Variants in CELSR1 observed in about 807,000 individuals in gnomAD.
The protein encoded by CELSR1 is cadherin EGF LAG seven-pass G-type receptor 1.
Under a neutral mutation model 249.1 loss-of-function variants are expected in CELSR1, and 110 were observed. The observed-to-expected ratio is 0.44, with a 90% CI of 0.38 to 0.52. The LOEUF (loss-of-function observed/expected upper bound fraction) is 0.52, where lower values mean the gene tolerates loss of function less well. CELSR1 is among the 20% of genes least tolerant of loss of function. CELSR1 has a pLI of 0.00. For missense variants in CELSR1, 4,109 were observed against 4,296.4 expected (o/e 0.96, Z 1.22); for synonymous variants, 2,113 against 1,900.0 (o/e 1.11, Z -2.92).
chr22:46,525,219 C>T (rs766181423), intron 1 of CELSR1, among the ~76,000 whole-genome samples: 5 of 152,172 alleles, frequency 3.3e-5, no homozygotes, highest in South Asian at 2.1e-4. Context: ...GAGGCCGAAG[C>T]GGGCAGATCA....
chr22:46,371,800 C>T (rs532897606), intron 25 of CELSR1, among the ~76,000 whole-genome samples: 2 of 151,170 alleles, frequency 1.3e-5, no homozygotes, highest in Non-Finnish European at 3.0e-5. Context: ...ATCCACCCAC[C>T]CATCCATCCA....
chr22:46,419,384 CAAG>C (rs1751927084), intron 5 of CELSR1, among the ~76,000 whole-genome samples: 1 of 152,202 alleles, frequency 6.6e-6, no homozygotes, highest in Non-Finnish European at 1.5e-5. Flanking sequence ...AAGCACTCAA[CAAG>C]AAGCTCACTC....
Position 46,527,216 on chromosome 22 carries a change from C to T in CELSR1, c.3544+6411G>A, listed in dbSNP as rs537717240. On this transcript the variant is annotated intron_variant, in intron 1 of 34. Coordinates refer to ENST00000674500, the MANE Select transcript of CELSR1 (RefSeq NM_001378328.1). The surrounding 1 kb of genome is among the most constrained non-coding windows in gnomAD (Gnocchi z 5.5). ...GGGAGGGTTCCCGGCACATGGAGCA[C>T]ATCGGCTGAGATGTGTCTGACCATC... Among the ~76,000 whole-genome samples the T allele has an allele frequency of 6.6e-5, 10 of 152,298 alleles. No homozygotes were observed. Among genetic ancestry groups the T allele is most frequent in the Non-Finnish European group, 1.2e-4 (8 of 68,028 alleles).
rs1028760649 is a variant in CELSR1 at position 46,396,422 on chromosome 22, A to T, written c.5843+183T>A. On this transcript the variant is annotated intron_variant, in intron 13 of 34. Transcript: ENST00000674500. This position sits in a 1 kb window ranked among gnomAD's most constrained non-coding sequence, Gnocchi z 6.4. ...GACTCTGTCTCAAAAAAATAAAAAT[A>T]AAATAAAAATTAAAAAAAATTTGAT... Among the ~76,000 whole-genome samples, 2 of 152,108 alleles carry T rather than the reference A, an allele frequency of 1.3e-5. No homozygotes were observed. Among genetic ancestry groups the T allele is most frequent in the Admixed American group, 6.5e-5 (1 of 15,276 alleles).
chr22:46,411,755 T>G lies in CELSR1; in HGVS notation c.4616A>C (p.Asn1539Thr), dbSNP rs750221996. The change falls in exon 6 of 35, where the codon AAT (asparagine) becomes ACT (threonine). Residue 1539 changes from asparagine to threonine, a missense_variant. Transcript: ENST00000674500. This position sits in a 1 kb window ranked among gnomAD's most constrained non-coding sequence, Gnocchi z 4.2. ...SVQVQYYNKP[N>T]IGHLGLPHGP... ...ATGGGGCAGGCCCAGGTGGCCAATA[T>G]TGGGCTGTAAGAAGAGAAAGCACAG... 1.4e-5 allele frequency: 23 copies of G among 1,614,058 alleles called. No individual in the cohort carries two copies. The highest frequency in any genetic ancestry group is 3.3e-4 in the Middle Eastern group (2 of 6,060).
rs1017881881 is a variant in CELSR1, at chr22:46,464,575, C to T, written c.3545-230G>A. Among the ~76,000 whole-genome samples the T allele has an allele frequency of 1.3e-5, 2 of 152,096 alleles. No homozygotes were observed. The highest frequency in any genetic ancestry group is 2.4e-5 in the African/African-American group (1 of 41,416). On this transcript the variant is annotated intron_variant, in intron 1 of 34. Coordinates refer to ENST00000674500, the MANE Select transcript of CELSR1 (RefSeq NM_001378328.1). The surrounding 1 kb of genome is among the most constrained non-coding windows in gnomAD (Gnocchi z 8.5). ...GACCCTCCCTCCTCCGGCACCCTAA[C>T]CCCTGCCCTGGCTTCCTAAAGCACA...
chr22:46,471,800 C>T lies in CELSR1; in HGVS notation c.3545-7455G>A, dbSNP rs1213186189. Reference sequence around the variant, plus strand: ...TTCCACCCACTGTCCTCTCCTGTCCCAGGACCCCACACCACACTCAGCTCC... The same window carrying T: ...TTCCACCCACTGTCCTCTCCTGTCCTAGGACCCCACACCACACTCAGCTCC... On this transcript the variant is annotated intron_variant, in intron 1 of 34. Transcript: ENST00000674500. The surrounding 1 kb of genome is among the most constrained non-coding windows in gnomAD (Gnocchi z 4.9). Among the ~76,000 whole-genome samples, 3 of 152,032 alleles carry T rather than the reference C, an allele frequency of 2.0e-5. No homozygotes were observed. The highest frequency in any genetic ancestry group is 6.6e-5 in the Admixed American group (1 of 15,256).
rs936153138 is a variant in CELSR1 at position 46,447,860 on chromosome 22, T to C, written c.4184-8449A>G. The stretch of plus-strand genomic sequence containing the variant: ...GTCTCGAACTCCTGACCTCAGGTGA[T>C]CTGCTCGCCTTAGCCTCCCAAAGTG... On this transcript the variant is annotated intron_variant, in intron 2 of 34. Coordinates refer to ENST00000674500, the MANE Select transcript of CELSR1 (RefSeq NM_001378328.1). This position sits in a 1 kb window ranked among gnomAD's most constrained non-coding sequence, Gnocchi z 4.7. 1.7e-4 allele frequency among the ~76,000 whole-genome samples: 26 copies of C among 152,236 alleles called. No homozygotes were observed. The highest frequency in any genetic ancestry group is 6.0e-4 in the African/African-American group (25 of 41,468).
At chr22:46,521,348 T>A (rs556654986) in intron 1 of CELSR1, among the ~76,000 whole-genome samples, 1 of 150,150 alleles carries the variant, frequency 6.7e-6, no homozygotes, top group South Asian at 2.1e-4. Context: ...TACTAAAAAT[T>A]CAAAAAATTA....
intron 20 of CELSR1, 106 bp downstream of exon 20, chr22:46,384,437 G>C (rs2079010547): frequency 7.5e-7 from 1 of 1,341,108 alleles, no homozygotes; most frequent in South Asian, 1.6e-5. Context: ...GGAACACTCT[G>C]GCCCAGATCT....
Position 46,536,593 on chromosome 22 carries a change from G to A in CELSR1, c.578C>T (p.Ala193Val). The A allele has an allele frequency of 8.4e-7, 1 of 1,189,220 alleles. No homozygotes were observed. The highest frequency in any genetic ancestry group is 1.0e-6 in the Non-Finnish European group (1 of 963,292). 73.7% of individuals were successfully genotyped at this position (1,189,220 alleles called of 1,614,324 possible). The change falls in exon 1 of 35, where the codon GCC becomes GTC. Residue 193 changes from alanine (A) to valine (V), a missense_variant. Physicochemically the swap from Ala to Val is moderately conservative, Grantham distance 64. Around this residue, in one of 7 missense-constraint regions of CELSR1, gnomAD observed 673 missense variants for 636.8 expected, o/e 1.06. Coordinates refer to ENST00000674500, the MANE Select transcript of CELSR1 (RefSeq NM_001378328.1). The stretch of plus-strand genomic sequence containing the variant: ...CTCCAGCGCCAGTCCCACCCGGACG[G>A]CGCCAGCCGCGCGCCGCAGGGCGCA... ...LLCALRRAAGAVRVGLALEAA... is the reference protein window; with the variant it reads ...LLCALRRAAGVVRVGLALEAA...
Position 46,363,899 on chromosome 22 carries a change from G to T in CELSR1, c.9035+97C>A. The T allele has an allele frequency of 7.1e-7, 1 of 1,411,626 alleles. No homozygotes were observed. Among genetic ancestry groups the T allele is most frequent in the Non-Finnish European group, 9.3e-7 (1 of 1,073,718 alleles). 87.4% of individuals were successfully genotyped at this position (1,411,626 alleles called of 1,614,324 possible). ...CCTCTGCACTCAGGGCTCCAGGTGA[G>T]GTGGGTGTCAGGTCCCTGACCACTG... On this transcript the variant is annotated intron_variant, in intron 34 of 34. Transcript: ENST00000674500. This position sits in a 1 kb window ranked among gnomAD's most constrained non-coding sequence, Gnocchi z 4.3.
chr22:46,388,364 T>G lies in CELSR1; in HGVS notation c.6555+926A>C, dbSNP rs115765235. On this transcript the variant is annotated intron_variant, in intron 18 of 34. Coordinates refer to ENST00000674500, the MANE Select transcript of CELSR1 (RefSeq NM_001378328.1). Reference sequence around the variant, plus strand: ...ACCCCATCTTAAAAAAAAAAAGAAATAAAGAAAAAGAAACCAGAAAGGAAA... The same window carrying G: ...ACCCCATCTTAAAAAAAAAAAGAAAGAAAGAAAAAGAAACCAGAAAGGAAA... 9.0e-3 allele frequency among the ~76,000 whole-genome samples: 1,342 copies of G among 149,570 alleles called. 19 individuals are homozygous for G. The highest frequency in any genetic ancestry group is 0.031 in the African/African-American group (1,261 of 40,422).
chr22:46,512,762 G>A lies in CELSR1; in HGVS notation c.3544+20865C>T, dbSNP rs899552561. On this transcript the variant is annotated intron_variant, in intron 1 of 34. Transcript: ENST00000674500. This position sits in a 1 kb window ranked among gnomAD's most constrained non-coding sequence, Gnocchi z 5.2. ...TGCTTATAGAGGGTAGCGGGTTTCC[G>A]TTCCCTGCCATCCAGAGGAATTATT... Among the ~76,000 whole-genome samples the A allele has an allele frequency of 2.0e-5, 3 of 152,142 alleles. No individual in the cohort carries two copies. The highest frequency in any genetic ancestry group is 6.5e-5 in the Admixed American group (1 of 15,276).
In CELSR1 at chr22:46,490,526, AGCCGCCCC is replaced by A. The variant is rs1292988821; in HGVS notation, c.3545-26189_3545-26182del. On this transcript the variant is annotated intron_variant, in intron 1 of 34. Coordinates refer to ENST00000674500, the MANE Select transcript of CELSR1 (RefSeq NM_001378328.1). The surrounding 1 kb of genome is among the most constrained non-coding windows in gnomAD (Gnocchi z 5.2). ...GGTCTCGAACTCCTGACCGCAGGCG[AGCCGCCCC>A]CCTCCGCCTCCCAAAATGTTGAGAT... 6.6e-6 allele frequency among the ~76,000 whole-genome samples: 1 copy of A among 151,944 alleles called. No homozygotes were observed. The highest frequency in any genetic ancestry group is 6.6e-5 in the Admixed American group (1 of 15,238).
At chr22:46,514,681 C>T (rs2080608346) in intron 1 of CELSR1, among the ~76,000 whole-genome samples, 2 of 152,200 alleles carry the variant, frequency 1.3e-5, no homozygotes, top group Non-Finnish European at 1.5e-5. Flanking sequence ...AAGAGTCACT[C>T]CCCGGAGGGA....
At position 46,447,592 on chromosome 22, in the gene CELSR1, T is replaced by C. The variant is rs923418441; in HGVS notation, c.4184-8181A>G. On this transcript the variant is annotated intron_variant, in intron 2 of 34. Coordinates refer to ENST00000674500, the MANE Select transcript of CELSR1 (RefSeq NM_001378328.1). This position sits in a 1 kb window ranked among gnomAD's most constrained non-coding sequence, Gnocchi z 4.7. ...CTGCCAAAAGCTCCCCCTCTCCCCG[T>C]AGGAGGGACGCAGGGCTCAGCTTCC... Among the ~76,000 whole-genome samples, 1 of 152,140 alleles carries C rather than the reference T, an allele frequency of 6.6e-6. No individual in the cohort carries two copies. The highest frequency in any genetic ancestry group is 1.5e-5 in the Non-Finnish European group (1 of 68,018).
chr22:46,467,332 C>G (rs1318357554), intron 1 of CELSR1, among the ~76,000 whole-genome samples: 1 of 152,112 alleles, frequency 6.6e-6, no homozygotes, highest in East Asian at 1.9e-4. Context: ...GACAAAGAAA[C>G]CACCTAAAGG....
Position 46,517,458 on chromosome 22 carries a change from C to T in CELSR1, c.3544+16169G>A, listed in dbSNP as rs1176246011. Reference sequence around the variant, plus strand: ...GGCACTTGTCATCTTCCACGGGGCACAAGGCGGTATCTGGAGGGTAGAACC... The same window carrying T: ...GGCACTTGTCATCTTCCACGGGGCATAAGGCGGTATCTGGAGGGTAGAACC... On this transcript the variant is annotated intron_variant, in intron 1 of 34. Transcript: ENST00000674500. The surrounding 1 kb of genome is among the most constrained non-coding windows in gnomAD (Gnocchi z 5.4). Among the ~76,000 whole-genome samples the T allele has an allele frequency of 1.3e-5, 2 of 152,202 alleles. No individual in the cohort carries two copies. The highest frequency in any genetic ancestry group is 4.8e-5 in the African/African-American group (2 of 41,460).
Sources: allele counts gnomAD v4.1 joint callset (sites outside exome capture counted in the v4.1 genomes callset), GRCh38; gene constraint gnomAD v4.1.1; regional missense constraint gnomAD v4.1.1; non-coding constraint Gnocchi (gnomAD v3.1); transcripts MANE v1.5; gene names NCBI Gene and HGNC (gene_info 2026-07-23, HGNC 2026-07-21).